Variants in PIGV observed in about 807,000 individuals in gnomAD.
PIGV encodes phosphatidylinositol glycan anchor biosynthesis class V.
Under a neutral mutation model 39.2 loss-of-function variants are expected in PIGV, and 27 were observed. The observed-to-expected ratio is 0.69, with a 90% CI of 0.51 to 0.95. The LOEUF (loss-of-function observed/expected upper bound fraction) is 0.95. Ranked by LOEUF, PIGV falls within the 40% of genes least tolerant of loss-of-function variation. The probability of loss-of-function intolerance (pLI) is 0.00; values close to 1 mark genes in which losing one functional copy is unlikely to be tolerated. For synonymous variants in PIGV, 232 were observed against 241.7 expected, an observed-to-expected ratio of 0.96 and a Z score of 0.37; for missense variants, 523 against 586.4, an observed-to-expected ratio of 0.89 and a Z score of 1.12.
Position 26,795,135 on chromosome 1 carries a change from A to G in PIGV, c.1101A>G (p.Leu367=), listed in dbSNP as rs1181362426. 1 of 1,614,004 alleles carries G rather than the reference A, an allele frequency of 6.2e-7. No homozygotes were observed. Among genetic ancestry groups the G allele is most frequent in the Non-Finnish European group, 8.5e-7 (1 of 1,180,018 alleles). The part of the protein sequence containing the change: ...GLQRSKNNKT[L]EKPDLGFLSP... ...AAAGGAGCAAGAACAATAAGACCCTAGAGAAGCCCGATCTTGGATTCCTCA... is the reference window on the plus strand; with the variant it reads ...AAAGGAGCAAGAACAATAAGACCCTGGAGAAGCCCGATCTTGGATTCCTCA... The change falls in exon 3 of 4, where the codon CTA becomes CTG. Residue 367 remains leucine, a synonymous_variant. Transcript: ENST00000674202.
Position 26,797,892 on chromosome 1 carries a change from T to G in PIGV, c.*48T>G, listed in dbSNP as rs1309357919. The G allele has an allele frequency of 1.3e-6, 2 of 1,561,384 alleles. No individual in the cohort carries two copies. Among genetic ancestry groups the G allele is most frequent in the African/African-American group, 2.7e-5 (2 of 73,860 alleles). On this transcript the variant is annotated 3_prime_UTR_variant, in exon 4 of 4. Coordinates refer to ENST00000674202, the MANE Select transcript of PIGV (RefSeq NM_017837.4). ...TGGAAGCCAACTTAACCCAGGGGTC[T>G]GAAAGTAAAAATACACATTGGAACT... is the stretch of plus-strand genomic sequence containing the variant.
intron 1 of PIGV, among the ~76,000 whole-genome samples, chr1:26,789,648 C>T (rs1367696911): frequency 6.6e-6 from 1 of 152,116 alleles, no homozygotes; most frequent in African/African-American, 2.4e-5. Flanking sequence ...ATAGCAATAA[C>T]GGCAATAGGG....
intron 2 of PIGV, among the ~76,000 whole-genome samples, chr1:26,791,134 T>C (rs192298632): frequency 6.6e-6 from 1 of 152,272 alleles, no homozygotes; most frequent in African/African-American, 2.4e-5. Context: ...CAAAGCCACA[T>C]AGCAAGATAG....
chr1:26,789,285 A>G (rs2081280829), intron 1 of PIGV, among the ~76,000 whole-genome samples: 1 of 152,166 alleles, frequency 6.6e-6, no homozygotes, highest in Admixed American at 6.5e-5. Context: ...ACCGGTGTGG[A>G]ATTGGGGGCC....
intron 3 of PIGV, among the ~76,000 whole-genome samples, 169 bp from the exon 4 acceptor site, chr1:26,797,394 C>T (rs912236188): frequency 6.6e-6 from 1 of 152,204 alleles, no homozygotes; most frequent in Non-Finnish European, 1.5e-5. Context: ...GCTGTACATA[C>T]ATCTTTCTAA....
chr1:26,800,457 T>C lies in PIGV; in HGVS notation c.*2613T>C. ...CGTACCTAGAAGTAGATGCTTTTTT[T>C]TGTTCTTTAATGAAGGTGGGAGGAG... On this transcript the variant is annotated 3_prime_UTR_variant, in exon 4 of 4. Transcript: ENST00000674202. Among the ~76,000 whole-genome samples, 1 of 152,176 alleles carries C rather than the reference T, an allele frequency of 6.6e-6. No homozygotes were observed. The highest frequency in any genetic ancestry group is 1.5e-5 in the Non-Finnish European group (1 of 68,030).
Position 26,797,750 on chromosome 1 carries a change from C to T in PIGV, c.1388C>T (p.Thr463Ile), listed in dbSNP as rs755347942. 4.3e-6 allele frequency: 7 copies of T among 1,613,904 alleles called. No individual in the cohort carries two copies. Among genetic ancestry groups the T allele is most frequent in the Non-Finnish European group, 5.9e-6 (7 of 1,179,908 alleles). ...ATGGGACTTTTGTATCACTGGAAAA[C>T]CTGTTCTCCAGTCACACGATACATT... Reference protein sequence around the residue: ...PIMGLLYHWKTCSPVTRYILG... With the variant: ...PIMGLLYHWKICSPVTRYILG... Residue 463 changes from threonine (T) to isoleucine (I), a missense_variant, in exon 4 of 4, where the codon ACC becomes ATC. By Grantham distance (89) the Thr-to-Ile change is moderately conservative. Transcript: ENST00000674202.
intron 2 of PIGV, among the ~76,000 whole-genome samples, chr1:26,791,153 T>G (rs2081303417): frequency 2.0e-5 from 3 of 152,220 alleles, no homozygotes; most frequent in African/African-American, 7.2e-5. Flanking sequence ...AGAGAAGGGC[T>G]GGAGTTTGAC....
upstream of PIGV, among the ~76,000 whole-genome samples, chr1:26,787,219 G>A (rs559887852): frequency 1.3e-5 from 2 of 152,284 alleles, no homozygotes; most frequent in South Asian, 2.1e-4. Flanking sequence ...CGTTACAAGG[G>A]TACAAACTGG....
intron 1 of PIGV, 23 bp downstream of exon 1, chr1:26,788,291 C>T (rs1169343560): frequency 2.0e-5 from 3 of 152,374 alleles, no homozygotes; most frequent in Non-Finnish European, 4.4e-5. Context: ...GATTAGTACC[C>T]AGAAGGGACT....
rs1205957111 is a variant in PIGV at position 26,797,930 on chromosome 1, C to G, written c.*86C>G. 3.6e-6 allele frequency: 4 copies of G among 1,107,150 alleles called. No individual in the cohort carries two copies. The African/African-American group carries it at 4.6e-5, about 13-fold the overall frequency. The allele number at this position is 1,107,150 out of a possible 1,614,324, so 68.6% of individuals were successfully genotyped here. Reference sequence around the variant, plus strand: ...ACACATTGGAACTGCCTCTGCTGCCCTGGGATCATTACTGTGTCCATTATA... The same window carrying G: ...ACACATTGGAACTGCCTCTGCTGCCGTGGGATCATTACTGTGTCCATTATA... On this transcript the variant is annotated 3_prime_UTR_variant, in exon 4 of 4. Transcript: ENST00000674202.
Position 26,795,185 on chromosome 1 carries a change from T to G in PIGV, c.1151T>G (p.Val384Gly). 1 of 1,613,962 alleles carries G rather than the reference T, an allele frequency of 6.2e-7. No individual in the cohort carries two copies. Among genetic ancestry groups the G allele is most frequent in the East Asian group, 2.2e-5 (1 of 44,886 alleles). Reference sequence around the variant, plus strand: ...AGTCCTCAGGTGTTTGTGTACGTGGTCCACGCTGCAGTGCTGCTGCTGTTT... The same window carrying G: ...AGTCCTCAGGTGTTTGTGTACGTGGGCCACGCTGCAGTGCTGCTGCTGTTT... ...FLSPQVFVYVVHAAVLLLFGG... is the reference protein window; with the variant it reads ...FLSPQVFVYVGHAAVLLLFGG... Residue 384 changes from valine (V) to glycine (G), a missense_variant, in exon 3 of 4, where the codon GTC (valine) becomes GGC (glycine). By Grantham distance (109) the Val-to-Gly change is moderately radical. Coordinates refer to ENST00000674202, the MANE Select transcript of PIGV (RefSeq NM_017837.4).
rs1471512677 is a variant in PIGV, at chr1:26,794,200, G to A, written c.166G>A (p.Val56Met). 5 of 1,614,050 alleles carry A rather than the reference G, an allele frequency of 3.1e-6. No homozygotes were observed. The highest frequency in any genetic ancestry group is 1.3e-5 in the African/African-American group (1 of 74,900). ...CCCCTCAGGCTTTGTGGACCAACTC[G>A]TGGAAGGTCTTCTGGGCGGCCTGTC... is the stretch of plus-strand genomic sequence containing the variant. ...LAPSGFVDQL[V>M]EGLLGGLSHW... Residue 56 changes from valine (V) to methionine (M), a missense_variant, in exon 3 of 4, where the codon GTG becomes ATG. By Grantham distance (21) the Val-to-Met change is conservative. Transcript: ENST00000674202.
chr1:26,795,310 A>G (rs1208279709), intron 3 of PIGV, 76 bp downstream of exon 3: 18 of 1,531,690 alleles, frequency 1.2e-5, no homozygotes, highest in Admixed American at 1.7e-5. Flanking sequence ...GAAGGCAGCT[A>G]ACATCTCCCG....
rs1406571578 is a variant in PIGV at position 26,799,113 on chromosome 1, T to C, written c.*1269T>C. 6.6e-6 allele frequency among the ~76,000 whole-genome samples: 1 copy of C among 152,174 alleles called. No individual in the cohort carries two copies. The highest frequency in any genetic ancestry group is 1.5e-5 in the Non-Finnish European group (1 of 68,036). ...CCTGTTTTCAGCAATTAGAAGAAACTCCTCCTCCACCGAGTGCAACTCTTG... is the reference window on the plus strand; with the variant it reads ...CCTGTTTTCAGCAATTAGAAGAAACCCCTCCTCCACCGAGTGCAACTCTTG... On this transcript the variant is annotated 3_prime_UTR_variant, in exon 4 of 4. Transcript: ENST00000674202.
rs1352879448 is a variant in PIGV, at chr1:26,794,905, A to G, written c.871A>G (p.Asn291Asp). Residue 291 changes from asparagine (N) to aspartate (D), a missense_variant, in exon 3 of 4, where the codon AAT becomes GAT. Asn to Asp is a conservative substitution (Grantham distance 23). Coordinates refer to ENST00000674202, the MANE Select transcript of PIGV (RefSeq NM_017837.4). The part of the protein sequence containing the change: ...VDKGYRIAEG[N>D]EPPWCFWDVP... Reference sequence around the variant, plus strand: ...CAAGGGCTACCGGATTGCAGAGGGAAATGAACCGCCTTGGTGCTTCTGGGA... The same window carrying G: ...CAAGGGCTACCGGATTGCAGAGGGAGATGAACCGCCTTGGTGCTTCTGGGA... 1 of 1,614,192 alleles carries G rather than the reference A, an allele frequency of 6.2e-7. No individual in the cohort carries two copies. Among genetic ancestry groups the G allele is most frequent in the Non-Finnish European group, 8.5e-7 (1 of 1,180,032 alleles).
At chr1:26,796,392 TCTC>T (rs1452043238) in intron 3 of PIGV, among the ~76,000 whole-genome samples, 9 of 152,038 alleles carry the variant, frequency 5.9e-5, no homozygotes, top group Admixed American at 5.9e-4. Flanking sequence ...ATGGTCTGGA[TCTC>T]CTGACCTCGT....
chr1:26,790,787 A>G lies in PIGV; in HGVS notation c.-29A>G. ...CCTGAGGGAGCTCAATCCTGGTAGC[A>G]ACACCCCTGAATTCCTGGTGGTGAA... is the stretch of plus-strand genomic sequence containing the variant. On this transcript the variant is annotated 5_prime_UTR_variant, in exon 2 of 4. Transcript: ENST00000674202. 1.3e-6 allele frequency: 2 copies of G among 1,592,596 alleles called. No individual in the cohort carries two copies. Among genetic ancestry groups the G allele is most frequent in the Non-Finnish European group, 1.7e-6 (2 of 1,160,370 alleles).
chr1:26,795,366 G>T (rs2081367959), intron 3 of PIGV, 132 bp downstream of exon 3: 1 of 1,151,792 alleles, frequency 8.7e-7, no homozygotes, highest in Non-Finnish European at 1.3e-6. Flanking sequence ...ACTATTTAGG[G>T]TTATTCTTTA....
Sources: gnomAD v4.1 joint callset for allele counts (sites outside exome capture counted in the v4.1 genomes callset) on GRCh38, gnomAD v4.1.1 for gene constraint, MANE v1.5 for transcripts, NCBI Gene and HGNC (gene_info 2026-07-23, HGNC 2026-07-21) for gene names.